Variants in CASR observed in about 807,000 individuals in gnomAD.
CASR encodes the protein extracellular calcium-sensing receptor.
In CASR, 23 loss-of-function variants were observed where a neutral mutation model predicts 69.1. That is an observed-to-expected ratio of 0.33 (90% CI 0.24 to 0.47). The LOEUF is 0.47. Ranked by LOEUF, CASR falls within the 20% of genes least tolerant of loss-of-function variation. The pLI, the probability that CASR is intolerant of heterozygous loss-of-function variation, is 1.00. For synonymous variants in CASR, 541 were observed against 544.7 expected (o/e 0.99, Z 0.10); for missense variants, 924 against 1,356.1 (o/e 0.68, Z 5.00).
chr3:122,237,691 A>G lies in CASR; in HGVS notation c.-242-16257A>G, dbSNP rs114786675. ...CTTTTATGAAGCTTAAAACAACTAA[A>G]ATTTTAAATACATTTTGGGAACATA... On this transcript the variant is annotated intron_variant, in intron 1 of 6. Transcript: ENST00000639785. Among the ~76,000 whole-genome samples, 1,317 of 152,318 alleles carry G rather than the reference A, an allele frequency of 8.6e-3. 6 individuals are homozygous for G. Among genetic ancestry groups the G allele is most frequent in the Middle Eastern group, 0.014 (4 of 294 alleles).
intron 1 of CASR, among the ~76,000 whole-genome samples, chr3:122,237,137 G>A: frequency 7.3e-6 from 1 of 137,304 alleles, no homozygotes; most frequent in Non-Finnish European, 1.5e-5. Context: ...TTTTGACAGA[G>A]TCTTGCTCTG....
intron 4 of CASR, among the ~76,000 whole-genome samples, chr3:122,269,996 C>T (rs1295841740): frequency 6.6e-6 from 1 of 152,058 alleles, no homozygotes; most frequent in Non-Finnish European, 1.5e-5. Context: ...CATGCACCAC[C>T]ACCACCAGCT....
rs761030318 is a variant in CASR at position 122,284,980 on chromosome 3, G to A, written c.3026G>A (p.Arg1009Gln). The A allele has an allele frequency of 8.1e-6, 13 of 1,614,140 alleles. No homozygotes were observed. The East Asian group carries it at 2.0e-4, about 25-fold the overall frequency. ...CAGAAAAGCAGCGATACGCTGACCC[G>A]ACACGAGCCATTACTCCCGCTGCAG... is the stretch of plus-strand genomic sequence containing the variant. Reference protein sequence around the residue: ...EAQKSSDTLTRHEPLLPLQCG... With the variant: ...EAQKSSDTLTQHEPLLPLQCG... Residue 1009 changes from arginine (R) to glutamine (Q), a missense_variant, in exon 7 of 7, where the codon CGA becomes CAA. Arg to Gln is a conservative substitution (Grantham distance 43, BLOSUM62 1). This residue lies in a region of CASR where 201 missense variants were observed against 228.8 expected (regional missense o/e 0.88). Transcript: ENST00000639785.
chr3:122,242,133 G>A (rs1406683739), intron 1 of CASR, among the ~76,000 whole-genome samples: 1 of 152,094 alleles, frequency 6.6e-6, no homozygotes, highest in East Asian at 1.9e-4. Context: ...GGACAAGGAT[G>A]CCCACTTTCA....
intron 1 of CASR, among the ~76,000 whole-genome samples, chr3:122,213,555 T>C (rs997438599): frequency 3.3e-5 from 5 of 152,180 alleles, no homozygotes; most frequent in African/African-American, 1.2e-4. Flanking sequence ...GACTGAAATA[T>C]ACATACTTGG....
chr3:122,278,413 C>T (rs1367623311), intron 5 of CASR, among the ~76,000 whole-genome samples: 2 of 152,112 alleles, frequency 1.3e-5, no homozygotes, highest in African/African-American at 4.8e-5. Context: ...TAACTTAGAC[C>T]TCAGTGCTCC....
At chr3:122,234,189 A>G (rs771090376) in intron 1 of CASR, among the ~76,000 whole-genome samples, 5 of 152,228 alleles carry the variant, frequency 3.3e-5, no homozygotes, top group Non-Finnish European at 7.3e-5. Context: ...CAACTTTTTC[A>G]GTAAAAGGCC....
At chr3:122,242,432 A>G (rs903858620) in intron 1 of CASR, among the ~76,000 whole-genome samples, 1 of 152,138 alleles carries the variant, frequency 6.6e-6, no homozygotes. Flanking sequence ...CCCACGTATA[A>G]TAGTCACAAG....
At chr3:122,221,378 C>T (rs552319209) in intron 1 of CASR, among the ~76,000 whole-genome samples, 52 of 152,254 alleles carry the variant, frequency 3.4e-4, no homozygotes, top group African/African-American at 1.2e-3. Context: ...CCCTCTCTAC[C>T]CCAGCTCTAG....
intron 1 of CASR, among the ~76,000 whole-genome samples, chr3:122,200,994 C>CT (rs67815991): frequency 0.27 from 20,415 of 76,456 alleles, 2,034 homozygotes; most frequent in Admixed American, 0.34. Flanking sequence ...CATTGCTTTT[C>CT]TTTTTTTTTT....
chr3:122,243,378 T>C (rs1238648912), intron 1 of CASR, among the ~76,000 whole-genome samples: 1 of 152,120 alleles, frequency 6.6e-6, no homozygotes, highest in African/African-American at 2.4e-5. Context: ...GAATAGACCT[T>C]TCTCAAAAGA....
At chr3:122,281,947 C>A (rs2074893517) in intron 5 of CASR, 166 bp from the exon 6 acceptor site, 2 of 830,320 alleles carry the variant, frequency 2.4e-6, no homozygotes, top group African/African-American at 3.4e-5. Flanking sequence ...TCACAGATAT[C>A]AGAACCAAGG....
chr3:122,252,448 A>AGAAAGAAAGAAAGAAAGAAAG (rs1288515427), intron 1 of CASR, among the ~76,000 whole-genome samples: 19 of 96,102 alleles, frequency 2.0e-4, no homozygotes, highest in Non-Finnish European at 2.6e-4. Context: ...AAAGAAAGAA[A>AGAAAGAAAGAAAGAAAGAAAG]AAAAAGAAAA....
chr3:122,283,663 A>T, intron 6 of CASR, 24 bp from the exon 7 acceptor site: 2 of 1,605,714 alleles, frequency 1.2e-6, no homozygotes, highest in Non-Finnish European at 1.7e-6. Flanking sequence ...ACAATAACTC[A>T]CTCTTCACTG....
intron 1 of CASR, among the ~76,000 whole-genome samples, chr3:122,220,478 A>C (rs535836821): frequency 2.6e-5 from 4 of 152,274 alleles, no homozygotes; most frequent in Admixed American, 6.5e-5. Flanking sequence ...GCTGTATGTC[A>C]TTACCAGCAT....
At chr3:122,210,303 G>T (rs1576824347) in intron 1 of CASR, among the ~76,000 whole-genome samples, 1 of 152,152 alleles carries the variant, frequency 6.6e-6, no homozygotes, top group South Asian at 2.1e-4. Flanking sequence ...AACTGTTTCT[G>T]TTTGCAGATG....
rs150485861 is a variant in CASR, at chr3:122,208,559, A to G, written c.-243+24747A>G. Among the ~76,000 whole-genome samples, 11 of 152,270 alleles carry G rather than the reference A, an allele frequency of 7.2e-5. No homozygotes were observed. The East Asian group carries it at 2.1e-3, about 29-fold the overall frequency. Reference sequence around the variant, plus strand: ...AAGACTTTTAAGATTTTTGTCAGTAAATGTGGTATTGGGCATAGATTTTTT... The same window carrying G: ...AAGACTTTTAAGATTTTTGTCAGTAGATGTGGTATTGGGCATAGATTTTTT... On this transcript the variant is annotated intron_variant, in intron 1 of 6. Transcript: ENST00000639785.
intron 1 of CASR, among the ~76,000 whole-genome samples, chr3:122,240,633 A>T (rs961659017): frequency 6.6e-6 from 1 of 152,228 alleles, no homozygotes; most frequent in South Asian, 2.1e-4. Flanking sequence ...TTCCAGACAG[A>T]AAGTCAGCAA....
At chr3:122,252,449 A>G (rs6438717) in intron 1 of CASR, among the ~76,000 whole-genome samples, 1,637 of 54,072 alleles carry the variant, frequency 0.03, 138 homozygotes, top group East Asian at 0.14. Context: ...AAGAAAGAAA[A>G]AAAAGAAAAG....
Sources: gnomAD v4.1 joint callset for allele counts (sites outside exome capture counted in the v4.1 genomes callset) on GRCh38, gnomAD v4.1.1 for gene constraint, gnomAD v4.1.1 regional missense constraint, MANE v1.5 for transcripts, NCBI Gene and HGNC (gene_info 2026-07-23, HGNC 2026-07-21) for gene names.